The following WWOX variants were observed in gnomAD, a reference collection of about 807,000 sequenced individuals.
The protein encoded by WWOX is WW domain containing oxidoreductase.
Under a neutral mutation model 46.2 loss-of-function variants are expected in WWOX, and 69 were observed. The ratio of observed to expected loss-of-function variants is 1.49; its 90% CI spans 1.23 to 1.82. The LOEUF is 1.82. Ranked by LOEUF, WWOX falls within the 40% of genes most tolerant of loss-of-function variation. The probability of loss-of-function intolerance (pLI) is 0.00; values close to 1 mark genes in which losing one functional copy is unlikely to be tolerated. For synonymous variants in WWOX, 359 were observed against 202.6 expected (o/e 1.77, Z -6.56); for missense variants, 919 against 542.6 (o/e 1.69, Z -6.89).
chr16:78,822,440 G>A (rs2051525676), intron 8 of WWOX, among the ~76,000 whole-genome samples: 1 of 152,126 alleles, frequency 6.6e-6, no homozygotes, highest in Non-Finnish European at 1.5e-5. Flanking sequence ...GTTGCAGTCA[G>A]CTGAGACTGC....
At chr16:78,819,003 C>T (rs1261201090) in intron 8 of WWOX, among the ~76,000 whole-genome samples, 1 of 152,152 alleles carries the variant, frequency 6.6e-6, no homozygotes, top group African/African-American at 2.4e-5. Context: ...GTGCTTAGCT[C>T]TAGAATGGAG....
At chr16:78,923,988 G>C (rs183498625) in intron 8 of WWOX, among the ~76,000 whole-genome samples, 9 of 151,124 alleles carry the variant, frequency 6.0e-5, no homozygotes, top group South Asian at 2.1e-4. Context: ...ATTTTGTTTT[G>C]TTTTTTTTAG....
At chr16:78,958,452 C>G (rs548405304) in intron 8 of WWOX, among the ~76,000 whole-genome samples, 155 of 152,318 alleles carry the variant, frequency 1.0e-3, no homozygotes, top group Non-Finnish European at 1.8e-3. Flanking sequence ...TCAAAGTACT[C>G]TCTATGGAGA....
chr16:78,877,448 C>T (rs539637193), intron 8 of WWOX, among the ~76,000 whole-genome samples: 1 of 152,284 alleles, frequency 6.6e-6, no homozygotes, highest in East Asian at 1.9e-4. Context: ...ATGAGCTGTT[C>T]TTCTCCAAAA....
intron 8 of WWOX, among the ~76,000 whole-genome samples, chr16:78,778,107 C>T (rs564759313): frequency 2.0e-5 from 3 of 151,962 alleles, no homozygotes; most frequent in East Asian, 3.9e-4. Context: ...GCTGCCTATC[C>T]CAAGGATGGG....
In WWOX at chr16:78,968,072, G is replaced by A. The variant is rs898842272; in HGVS notation, c.1057-243536G>A. Among the ~76,000 whole-genome samples the A allele has an allele frequency of 2.0e-5, 3 of 151,814 alleles. No homozygotes were observed. In the South Asian group the frequency reaches 6.2e-4, roughly 31 times the overall value. On this transcript the variant is annotated intron_variant, in intron 8 of 8. Coordinates refer to ENST00000566780, the MANE Select transcript of WWOX (RefSeq NM_016373.4). ...GTCTGCATGGCACAGTGTGTGGTCT[G>A]TATGGCACAGTGCATGGTCCGCATG...
intron 8 of WWOX, among the ~76,000 whole-genome samples, chr16:78,784,700 C>T (rs1329822240): frequency 6.6e-6 from 1 of 152,146 alleles, no homozygotes; most frequent in East Asian, 1.9e-4. Context: ...ACTGTTTTAG[C>T]TGCCCCCAGT....
At chr16:78,867,295 G>A (rs1001454820) in intron 8 of WWOX, among the ~76,000 whole-genome samples, 10 of 152,084 alleles carry the variant, frequency 6.6e-5, no homozygotes, top group South Asian at 2.1e-4. Context: ...TACCAACGCC[G>A]TCTATTTTCA....
At chr16:78,937,540 C>A (rs1307300752) in intron 8 of WWOX, among the ~76,000 whole-genome samples, 1 of 142,762 alleles carries the variant, frequency 7.0e-6, no homozygotes, top group Non-Finnish European at 1.5e-5. Context: ...AGTGATCTGC[C>A]TTGCTTGGCT....
chr16:78,736,723 G>A (rs1018027002), intron 8 of WWOX, among the ~76,000 whole-genome samples: 3 of 152,078 alleles, frequency 2.0e-5, no homozygotes, highest in African/African-American at 7.2e-5. Flanking sequence ...TCAACGTCCT[G>A]AGTAGGGAGG....
chr16:78,414,457 T>G (rs1209940671), intron 6 of WWOX, among the ~76,000 whole-genome samples: 1 of 152,112 alleles, frequency 6.6e-6, no homozygotes, highest in African/African-American at 2.4e-5. Context: ...TAATCCCAGC[T>G]ACTCAGGAGG....
chr16:78,413,626 G>T (rs1258201368), intron 6 of WWOX, among the ~76,000 whole-genome samples: 2 of 152,088 alleles, frequency 1.3e-5, no homozygotes, highest in East Asian at 4.0e-4. Context: ...TGGATCTTCA[G>T]TTGCTTCAGG....
intron 5 of WWOX, among the ~76,000 whole-genome samples, chr16:78,345,692 A>G (rs1261006916): frequency 8.9e-6 from 1 of 112,084 alleles, no homozygotes; most frequent in African/African-American, 3.0e-5. Context: ...AGTCCCTTAT[A>G]CAGTTTGTGA....
chr16:78,825,534 C>A, intron 8 of WWOX: 1 of 525,722 alleles, frequency 1.9e-6, no homozygotes. Flanking sequence ...CATTGTAGAG[C>A]TTTATGCTGA....
chr16:78,521,270 T>A (rs905190752), intron 8 of WWOX, among the ~76,000 whole-genome samples: 9 of 152,330 alleles, frequency 5.9e-5, no homozygotes, highest in African/African-American at 2.2e-4. Flanking sequence ...TTGCCCAGGC[T>A]GGTCTCTAAC....
At chr16:78,667,906 G>C (rs1484379905) in intron 8 of WWOX, among the ~76,000 whole-genome samples, 1 of 152,010 alleles carries the variant, frequency 6.6e-6, no homozygotes, top group South Asian at 2.1e-4. Context: ...TCTGTTTCTA[G>C]GATGTGCCCT....
chr16:79,156,213 G>A (rs2050378400), intron 8 of WWOX, among the ~76,000 whole-genome samples: 1 of 152,146 alleles, frequency 6.6e-6, no homozygotes, highest in Non-Finnish European at 1.5e-5. Flanking sequence ...CCAGGCTGGA[G>A]TGCAGTGGTA....
chr16:78,574,307 C>T (rs2044793724), intron 8 of WWOX, among the ~76,000 whole-genome samples: 1 of 152,170 alleles, frequency 6.6e-6, no homozygotes, highest in African/African-American at 2.4e-5. Flanking sequence ...AATACCAAGT[C>T]AGAAGTCCTG....
In WWOX at chr16:78,167,371, A is replaced by C. The variant is rs1161742498; in HGVS notation, c.516+3082A>C. 2.0e-5 allele frequency: 3 copies of C among 152,120 alleles called. No individual in the cohort carries two copies. In the East Asian group the frequency reaches 5.8e-4, roughly 29 times the overall value. 9.4% of individuals were successfully genotyped at this position (152,120 alleles called of 1,614,324 possible). On this transcript the variant is annotated intron_variant, in intron 5 of 8. Transcript: ENST00000566780. ...TTTCTTTCTTATATTTTGAGCCTTA[A>C]TTGGGTCCCTGTGAGTCAATTTCCG...
Sources: allele counts gnomAD v4.1 joint callset (sites outside exome capture counted in the v4.1 genomes callset), GRCh38; gene constraint gnomAD v4.1.1; transcripts MANE v1.5; gene names NCBI Gene and HGNC (gene_info 2026-07-23, HGNC 2026-07-21).